Variants in CNTN4 observed in about 807,000 individuals in gnomAD.
The protein encoded by CNTN4 is contactin 4.
CNTN4 carries 77 observed loss-of-function variants against 122.5 expected under a neutral mutation model. That is an observed-to-expected ratio of 0.63 (90% CI 0.52 to 0.76). The LOEUF (loss-of-function observed/expected upper bound fraction) is 0.76, where lower values mean the gene tolerates loss of function less well. Ranked by LOEUF, CNTN4 falls within the 30% of genes least tolerant of loss-of-function variation. The probability of loss-of-function intolerance (pLI) is 0.00; values close to 1 mark genes in which losing one functional copy is unlikely to be tolerated. For synonymous variants in CNTN4, 512 were observed against 447.0 expected (o/e 1.15, Z -1.83); for missense variants, 1,256 against 1,259.1 (o/e 1.00, Z 0.04).
At chr3:2,433,663 G>A (rs771883580) in intron 3 of CNTN4, among the ~76,000 whole-genome samples, 15 of 152,104 alleles carry the variant, frequency 9.9e-5, no homozygotes, top group South Asian at 2.1e-4. Context: ...TGTTGCCTGC[G>A]CTTTTGGGGT....
intron 4 of CNTN4, among the ~76,000 whole-genome samples, chr3:2,732,103 A>T (rs189420886): frequency 1.1e-3 from 160 of 152,320 alleles, no homozygotes; most frequent in African/African-American, 3.6e-3. Flanking sequence ...TCTAAATCTT[A>T]TCAAGCAAAG....
At chr3:2,396,316 C>T (rs941926286) in intron 3 of CNTN4, among the ~76,000 whole-genome samples, 4 of 152,158 alleles carry the variant, frequency 2.6e-5, no homozygotes, top group East Asian at 1.9e-4. Context: ...TGAGCCAAAG[C>T]GCCCAGCCTA....
chr3:2,945,547 T>C (rs773627549), intron 13 of CNTN4, among the ~76,000 whole-genome samples: 21 of 152,198 alleles, frequency 1.4e-4, no homozygotes, highest in South Asian at 8.3e-4. Context: ...TCTCAGCCTT[T>C]ATCCTCTCTT....
At chr3:2,266,512 C>G (rs916095045) in intron 2 of CNTN4, among the ~76,000 whole-genome samples, 2 of 151,870 alleles carry the variant, frequency 1.3e-5, no homozygotes, top group Non-Finnish European at 2.9e-5. Context: ...AATCAAATCT[C>G]CCCCCAACAA....
chr3:2,531,243 G>C (rs551644297), intron 3 of CNTN4, among the ~76,000 whole-genome samples: 1 of 152,338 alleles, frequency 6.6e-6, no homozygotes, highest in African/African-American at 2.4e-5. Context: ...GTTGTCTTCA[G>C]GGTGTTTTCC....
intron 2 of CNTN4, among the ~76,000 whole-genome samples, chr3:2,111,777 A>G (rs1174776783): frequency 6.6e-6 from 1 of 152,146 alleles, no homozygotes; most frequent in Non-Finnish European, 1.5e-5. Flanking sequence ...AATTGTATAT[A>G]CACATAGCCT....
intron 3 of CNTN4, among the ~76,000 whole-genome samples, chr3:2,394,710 A>G (rs1395430448): frequency 6.7e-6 from 1 of 150,230 alleles, no homozygotes; most frequent in Non-Finnish European, 1.5e-5. Flanking sequence ...CTCAGCCATT[A>G]TGTTTATTAT....
At chr3:3,004,666 A>C (rs2125433967) in intron 14 of CNTN4, among the ~76,000 whole-genome samples, 1 of 152,324 alleles carries the variant, frequency 6.6e-6, no homozygotes, top group South Asian at 2.1e-4. Flanking sequence ...GGGAAGACTA[A>C]ATTAGATGAT....
At chr3:2,585,116 C>G (rs530209165) in intron 4 of CNTN4, among the ~76,000 whole-genome samples, 1 of 152,196 alleles carries the variant, frequency 6.6e-6, no homozygotes, top group South Asian at 2.1e-4. Flanking sequence ...GTTTTTACAT[C>G]AAAACATGAC....
intron 2 of CNTN4, among the ~76,000 whole-genome samples, chr3:2,302,236 C>G (rs754869192): frequency 6.6e-6 from 1 of 152,162 alleles, no homozygotes; most frequent in Admixed American, 6.5e-5. Context: ...TGAGACCAGC[C>G]TGGCCAACAT....
At chr3:2,930,806 G>GA (rs982728589) in intron 13 of CNTN4, among the ~76,000 whole-genome samples, 3 of 151,656 alleles carry the variant, frequency 2.0e-5, no homozygotes, top group South Asian at 2.1e-4. Flanking sequence ...TAGAGAGAGA[G>GA]AAAAAAAAGG....
intron 2 of CNTN4, among the ~76,000 whole-genome samples, chr3:2,105,944 C>T (rs1391606745): frequency 6.6e-6 from 1 of 152,236 alleles, no homozygotes; most frequent in African/African-American, 2.4e-5. Context: ...GTCAATGTTC[C>T]TATTCCAAAT....
intron 3 of CNTN4, among the ~76,000 whole-genome samples, chr3:2,368,822 AGAAGT>A (rs1341816344): frequency 6.6e-6 from 1 of 152,224 alleles, no homozygotes; most frequent in African/African-American, 2.4e-5. Context: ...AGCATTATAA[AGAAGT>A]GAAGAGGGAA....
At chr3:2,409,840 T>C (rs1012141236) in intron 3 of CNTN4, among the ~76,000 whole-genome samples, 1 of 152,222 alleles carries the variant, frequency 6.6e-6, no homozygotes, top group South Asian at 2.1e-4. Flanking sequence ...AATTATATGT[T>C]ATATGTAATT....
At chr3:2,820,875 A>G (rs1165838922) in intron 7 of CNTN4, among the ~76,000 whole-genome samples, 2 of 151,416 alleles carry the variant, frequency 1.3e-5, no homozygotes, top group East Asian at 1.9e-4. Flanking sequence ...TAGATCAGTT[A>G]GGAATGCACT....
chr3:2,280,787 C>A (rs535765895), intron 2 of CNTN4, among the ~76,000 whole-genome samples: 27 of 152,192 alleles, frequency 1.8e-4, no homozygotes, highest in Middle Eastern at 3.4e-3. Flanking sequence ...AAAAATTGTT[C>A]CAAAAGCCTC....
intron 4 of CNTN4, among the ~76,000 whole-genome samples, chr3:2,684,564 G>C (rs544567727): frequency 6.6e-6 from 1 of 152,006 alleles, no homozygotes; most frequent in Non-Finnish European, 1.5e-5. Context: ...TAAAGATCTC[G>C]GCATAAATCC....
intron 3 of CNTN4, among the ~76,000 whole-genome samples, chr3:2,533,330 G>C (rs531284369): frequency 6.6e-6 from 1 of 151,264 alleles, no homozygotes; most frequent in Non-Finnish European, 1.5e-5. Context: ...TCCTTTTCCC[G>C]TGTCCAAGTG....
chr3:2,639,376 A>C (rs1362690597), intron 4 of CNTN4, among the ~76,000 whole-genome samples: 2 of 152,132 alleles, frequency 1.3e-5, no homozygotes, highest in African/African-American at 4.8e-5. Flanking sequence ...CCCTCAGATC[A>C]GTGCTTGCCC....
Sources: gnomAD v4.1 joint callset for allele counts (sites outside exome capture counted in the v4.1 genomes callset) on GRCh38, gnomAD v4.1.1 for gene constraint, MANE v1.5 for transcripts, NCBI Gene and HGNC (gene_info 2026-07-23, HGNC 2026-07-21) for gene names.